PCNX2: variants seen among roughly 807,000 people sequenced by gnomAD.
PCNX2 encodes pecanex-like protein 2.
A neutral mutation model predicts 223.8 loss-of-function variants in PCNX2; 168 were observed. The ratio of observed to expected loss-of-function variants is 0.75; its 90% CI spans 0.66 to 0.85. The LOEUF is 0.85. Ranked by LOEUF, PCNX2 falls within the 40% of genes least tolerant of loss-of-function variation. PCNX2 has a pLI of 0.00. For missense variants in PCNX2, 2,507 were observed against 2,675.5 expected, an observed-to-expected ratio of 0.94 and a Z score of 1.39; for synonymous variants, 1,006 against 1,052.6, an observed-to-expected ratio of 0.96 and a Z score of 0.86.
chr1:233,049,389 T>C (rs1414861735), intron 25 of PCNX2, among the ~76,000 whole-genome samples: 1 of 152,078 alleles, frequency 6.6e-6, no homozygotes, highest in Non-Finnish European at 1.5e-5. Context: ...AAAAACCACA[T>C]GATCATATCA....
chr1:233,060,229 A>G (rs1216175869), intron 23 of PCNX2, among the ~76,000 whole-genome samples: 1 of 152,216 alleles, frequency 6.6e-6, no homozygotes, highest in African/African-American at 2.4e-5. Flanking sequence ...ATTCTTTTTA[A>G]TGAAGGCTGA....
At chr1:233,152,503 GT>G (rs1465790190) in intron 19 of PCNX2, among the ~76,000 whole-genome samples, 6 of 152,104 alleles carry the variant, frequency 3.9e-5, no homozygotes, top group African/African-American at 1.4e-4. Flanking sequence ...CCCCTGCATA[GT>G]TTTATGTTCC....
chr1:233,177,779 A>G (rs76942817), intron 17 of PCNX2, 23 bp downstream of exon 17: 29,267 of 1,591,520 alleles, frequency 0.018, 398 homozygotes, highest in South Asian at 0.036. Flanking sequence ...CCTATGCTAC[A>G]TTACACAACG....
chr1:233,209,910 G>A (rs566313844), intron 12 of PCNX2, among the ~76,000 whole-genome samples: 4 of 152,096 alleles, frequency 2.6e-5, no homozygotes, highest in Non-Finnish European at 4.4e-5. Flanking sequence ...TATAAATAAC[G>A]ATGCAGTATA....
At chr1:233,146,205 C>A (rs979802584) in intron 19 of PCNX2, among the ~76,000 whole-genome samples, 1 of 152,152 alleles carries the variant, frequency 6.6e-6, no homozygotes, top group Non-Finnish European at 1.5e-5. Flanking sequence ...TAATTATTCA[C>A]TTAAATACGA....
rs561928618 is a variant in PCNX2, at chr1:233,153,361, T to C, written c.3517+6922A>G. ...GAGGGAGGACGGAGCTAATAGATTA[T>C]GTGACAGATTCGTCTGTGTGGAAAG... On this transcript the variant is annotated intron_variant, in intron 19 of 33. Coordinates refer to ENST00000258229, the MANE Select transcript of PCNX2 (RefSeq NM_014801.4). Among the ~76,000 whole-genome samples the C allele has an allele frequency of 2.6e-5, 4 of 152,312 alleles. No homozygotes were observed. The East Asian group carries it at 5.8e-4, about 22-fold the overall frequency.
At chr1:233,045,844 G>A (rs1162872572) in intron 25 of PCNX2, among the ~76,000 whole-genome samples, 1 of 152,212 alleles carries the variant, frequency 6.6e-6, no homozygotes. Context: ...GCCAGTGTCT[G>A]GATTCAACAG....
rs186306441 is a variant in PCNX2, at chr1:233,157,699, A to G, written c.3517+2584T>C. Among the ~76,000 whole-genome samples the G allele has an allele frequency of 4.6e-5, 7 of 152,354 alleles. No homozygotes were observed. The East Asian group carries it at 1.3e-3, about 29-fold the overall frequency. On this transcript the variant is annotated intron_variant, in intron 19 of 33. Transcript: ENST00000258229. ...TGAAGAGTCAAAACCTAAGAGGCAG[A>G]AGTCCAGGAAGAAGAGGCAAGGAAA...
At chr1:233,162,806 GA>G (rs1169083114) in intron 17 of PCNX2, among the ~76,000 whole-genome samples, 3 of 152,076 alleles carry the variant, frequency 2.0e-5, no homozygotes, top group Non-Finnish European at 4.4e-5. Context: ...ATGTTTATCT[GA>G]AAGAAGATAA....
intron 28 of PCNX2, 28 bp downstream of exon 28, chr1:233,014,637 A>C: frequency 2.5e-6 from 4 of 1,577,848 alleles, no homozygotes; most frequent in Non-Finnish European, 3.5e-6. Context: ...CCTGTACCTA[A>C]GAGATTCTAA....
At chr1:233,287,761 G>T (rs1426564000) in intron 1 of PCNX2, among the ~76,000 whole-genome samples, 1 of 152,130 alleles carries the variant, frequency 6.6e-6, no homozygotes, top group African/African-American at 2.4e-5. Context: ...CAATGCTTGG[G>T]CTTTAATCCT....
At chr1:233,295,954 C>T (rs1255244195), upstream of PCNX2, among the ~76,000 whole-genome samples, 16 of 143,982 alleles carry the variant, frequency 1.1e-4, no homozygotes, top group African/African-American at 3.9e-4. The surrounding 1 kb of genome is among the most constrained non-coding windows in gnomAD (Gnocchi z 4.1). Context: ...TCCTTCCTTT[C>T]TCTCTCTCTC....
At chr1:233,228,863 G>A (rs2102948545) in intron 9 of PCNX2, among the ~76,000 whole-genome samples, 1 of 152,238 alleles carries the variant, frequency 6.6e-6, no homozygotes, top group Admixed American at 6.5e-5. Flanking sequence ...CCGTATTTTT[G>A]TTTGGTTTTG....
intron 28 of PCNX2, among the ~76,000 whole-genome samples, chr1:233,005,322 G>C (rs1467576297): frequency 2.6e-5 from 4 of 152,174 alleles, no homozygotes; most frequent in Non-Finnish European, 5.9e-5. Context: ...AGACAAAAGA[G>C]AAGAGCCAGG....
chr1:233,095,664 A>AATT (rs1674115788), intron 22 of PCNX2, 91 bp downstream of exon 22: 1 of 1,190,940 alleles, frequency 8.4e-7, no homozygotes, highest in South Asian at 1.3e-5. Flanking sequence ...ATAGACTTTA[A>AATT]AATCTTTTTA....
intron 23 of PCNX2, among the ~76,000 whole-genome samples, chr1:233,079,156 T>G (rs1261609469): frequency 6.6e-6 from 1 of 152,176 alleles, no homozygotes; most frequent in African/African-American, 2.4e-5. Flanking sequence ...TGCCAGCACC[T>G]TCTCTGGCAT....
In PCNX2 at chr1:233,090,795, A is replaced by G. The variant is rs148409914; in HGVS notation, c.3947-605T>C. On this transcript the variant is annotated intron_variant, in intron 22 of 33. Transcript: ENST00000258229. Reference sequence around the variant, plus strand: ...CATGAAGTAAGTGTTTTGTGGGCCAAGTTGCTTCTTTAGGCATTCTTATAT... The same window carrying G: ...CATGAAGTAAGTGTTTTGTGGGCCAGGTTGCTTCTTTAGGCATTCTTATAT... Among the ~76,000 whole-genome samples, 542 of 152,308 alleles carry G rather than the reference A, an allele frequency of 3.6e-3. 7 individuals carry two copies. The highest frequency in any genetic ancestry group is 0.012 in the African/African-American group (501 of 41,570).
chr1:233,234,617 T>C (rs1455235278), intron 9 of PCNX2, among the ~76,000 whole-genome samples: 2 of 152,216 alleles, frequency 1.3e-5, no homozygotes, highest in Admixed American at 6.5e-5. Flanking sequence ...GGGGATATTT[T>C]TGAGATATTA....
At chr1:233,179,555 C>CA (rs1679676110) in intron 15 of PCNX2, among the ~76,000 whole-genome samples, 1 of 151,832 alleles carries the variant, frequency 6.6e-6, no homozygotes, top group African/African-American at 2.4e-5. Flanking sequence ...GTCTAAATGG[C>CA]ATAAAAAATG....
Sources: allele counts gnomAD v4.1 joint callset (sites outside exome capture counted in the v4.1 genomes callset), GRCh38; gene constraint gnomAD v4.1.1; non-coding constraint Gnocchi (gnomAD v3.1); transcripts MANE v1.5; gene names NCBI Gene and HGNC (gene_info 2026-07-23, HGNC 2026-07-21).